Variants in DPP6 observed in about 807,000 individuals in gnomAD.
The protein encoded by DPP6 is A-type potassium channel modulatory protein DPP6.
DPP6 carries 69 observed loss-of-function variants against 122.6 expected under a neutral mutation model. The observed-to-expected ratio is 0.56, with a 90% CI of 0.46 to 0.69. The LOEUF (loss-of-function observed/expected upper bound fraction) is 0.69. Ranked by LOEUF, DPP6 falls within the 30% of genes least tolerant of loss-of-function variation. The probability of loss-of-function intolerance (pLI) is 0.00; values close to 1 mark genes in which losing one functional copy is unlikely to be tolerated. For missense variants in DPP6, 928 were observed against 1,116.9 expected (o/e 0.83, Z 2.41); for synonymous variants, 418 against 433.1 (o/e 0.97, Z 0.43).
chr7:153,870,726 C>G, the DPP6 span, among the ~76,000 whole-genome samples: 9 of 152,220 alleles, frequency 5.9e-5, no homozygotes, highest in Non-Finnish European at 1.3e-4. Context: ...GAGAGGCTCT[C>G]TGATTTTTAG....
At chr7:154,575,743 G>T (rs1831624914) in intron 5 of DPP6, among the ~76,000 whole-genome samples, 1 of 149,204 alleles carries the variant, frequency 6.7e-6, no homozygotes, top group African/African-American at 2.5e-5. Flanking sequence ...ATGTGTATGT[G>T]TGTGTGGTGT....
At chr7:153,961,729 C>T (rs1022915200) in intron 1 of DPP6, among the ~76,000 whole-genome samples, 1 of 145,868 alleles carries the variant, frequency 6.9e-6, no homozygotes, top group Non-Finnish European at 1.5e-5. Flanking sequence ...ACTAGACAGT[C>T]GCATCTGGGG....
the DPP6 span, among the ~76,000 whole-genome samples, chr7:153,769,743 T>A: frequency 2.0e-5 from 3 of 152,326 alleles, no homozygotes; most frequent in Non-Finnish European, 2.9e-5. Flanking sequence ...CACTTTTTTT[T>A]AAATCCACTA....
intron 20 of DPP6, among the ~76,000 whole-genome samples, chr7:154,879,715 G>T (rs1805219458): frequency 6.6e-6 from 1 of 152,198 alleles, no homozygotes; most frequent in African/African-American, 2.4e-5. Context: ...TCACGCCACT[G>T]CACTCCAGCC....
intron 1 of DPP6, among the ~76,000 whole-genome samples, chr7:154,060,344 C>A (rs1801577361): frequency 7.5e-6 from 1 of 134,016 alleles, no homozygotes; most frequent in Non-Finnish European, 1.7e-5. Flanking sequence ...GAGGCACCCC[C>A]CGCGAGGCAG....
chr7:154,013,459 T>TTTTC (rs57674452), intron 1 of DPP6, among the ~76,000 whole-genome samples: 1,868 of 86,814 alleles, frequency 0.022, 38 homozygotes, highest in African/African-American at 0.092. Context: ...GTTTCTTTTC[T>TTTTC]TTTTTTTTTT....
At chr7:153,938,035 A>G (rs1238291073) in intron 1 of DPP6, among the ~76,000 whole-genome samples, 4 of 152,110 alleles carry the variant, frequency 2.6e-5, no homozygotes, top group Admixed American at 2.6e-4. Context: ...CCTCTGAGAC[A>G]GGGGCAAGAA....
intron 21 of DPP6, chr7:154,885,007 C>T (rs1806024937): frequency 6.6e-6 from 1 of 152,526 alleles, no homozygotes; most frequent in Non-Finnish European, 1.5e-5. Flanking sequence ...CCTTCGGAGG[C>T]TGCAGCTCGT....
At chr7:153,863,797 T>C in the DPP6 span, among the ~76,000 whole-genome samples, 1 of 152,168 alleles carries the variant, frequency 6.6e-6, no homozygotes, top group Non-Finnish European at 1.5e-5. Context: ...TTCCCTATTC[T>C]GCACGTTTCG....
rs373737188 is a variant in DPP6, at chr7:154,062,167, A to C, written c.243+9104A>C. On this transcript the variant is annotated intron_variant, in intron 1 of 25. Coordinates refer to ENST00000377770, the MANE Select transcript of DPP6 (RefSeq NM_130797.4). ...CTCATCCCCCACCGGCTTAGGACCCACATCGTTGATCCTAAGATCCTTAGG... is the reference window on the plus strand; with the variant it reads ...CTCATCCCCCACCGGCTTAGGACCCCCATCGTTGATCCTAAGATCCTTAGG... Among the ~76,000 whole-genome samples the C allele has an allele frequency of 2.5e-3, 239 of 97,340 alleles. 59 individuals carry two copies. The highest frequency in any genetic ancestry group is 3.3e-3 in the African/African-American group (87 of 26,662). The allele number at this position is 97,340 out of a possible 152,430, so 63.9% of individuals were successfully genotyped here.
intron 5 of DPP6, among the ~76,000 whole-genome samples, chr7:154,597,225 C>A (rs1197486508): frequency 6.6e-6 from 1 of 151,548 alleles, no homozygotes; most frequent in African/African-American, 2.4e-5. Context: ...AGAGGGGAGA[C>A]AGAGAGAGAC....
intron 16 of DPP6, among the ~76,000 whole-genome samples, chr7:154,834,543 G>T (rs1043258549): frequency 1.3e-5 from 2 of 152,004 alleles, no homozygotes; most frequent in Non-Finnish European, 2.9e-5. Context: ...TCTAATAATG[G>T]CCAAGAACTG....
intron 7 of DPP6, among the ~76,000 whole-genome samples, chr7:154,710,640 C>G (rs1841120147): frequency 6.6e-6 from 1 of 152,258 alleles, no homozygotes; most frequent in South Asian, 2.1e-4. Flanking sequence ...CTAGCAGCCA[C>G]TGCCCAAGGA....
intron 1 of DPP6, among the ~76,000 whole-genome samples, chr7:154,204,195 A>G (rs1799315841): frequency 1.3e-5 from 2 of 152,204 alleles, no homozygotes; most frequent in African/African-American, 4.8e-5. Flanking sequence ...TGGCATGGGC[A>G]TCCTCACCAT....
At chr7:153,805,161 T>C in the DPP6 span, among the ~76,000 whole-genome samples, 3 of 152,192 alleles carry the variant, frequency 2.0e-5, no homozygotes, top group East Asian at 5.8e-4. Context: ...AAGTAAAAAT[T>C]AATATTTCAA....
intron 1 of DPP6, among the ~76,000 whole-genome samples, chr7:154,432,351 A>G (rs1245886920): frequency 1.3e-5 from 2 of 152,316 alleles, no homozygotes; most frequent in Non-Finnish European, 2.9e-5. Context: ...GCTGTCACTT[A>G]TTTAATAATA....
At chr7:154,549,287 C>T (rs1829452754) in intron 4 of DPP6, among the ~76,000 whole-genome samples, 1 of 152,176 alleles carries the variant, frequency 6.6e-6, no homozygotes, top group Non-Finnish European at 1.5e-5. Context: ...AAGGGGACTC[C>T]TCATATCAGA....
At chr7:154,883,857 A>G (rs1315376014) in intron 21 of DPP6, 1 of 69,802 alleles carries the variant, frequency 1.4e-5, no homozygotes. Flanking sequence ...ACATGCTCAC[A>G]TGATTACACA....
chr7:153,810,380 A>G, the DPP6 span, among the ~76,000 whole-genome samples: 2 of 152,204 alleles, frequency 1.3e-5, no homozygotes, highest in African/African-American at 4.8e-5. Context: ...AATACTAGAC[A>G]GGAATAAACC....
Sources: allele counts gnomAD v4.1 joint callset (sites outside exome capture counted in the v4.1 genomes callset), GRCh38; gene constraint gnomAD v4.1.1; transcripts MANE v1.5; gene names NCBI Gene and HGNC (gene_info 2026-07-23, HGNC 2026-07-21).